The following KCNH3 variants were observed in gnomAD, a reference collection of about 807,000 sequenced individuals.
The protein encoded by KCNH3 is voltage-gated inwardly rectifying potassium channel KCNH3.
Under a neutral mutation model 95.6 loss-of-function variants are expected in KCNH3, and 36 were observed. That is an observed-to-expected ratio of 0.38 (90% confidence interval 0.29 to 0.50). KCNH3 has a LOEUF of 0.50. Ranked by LOEUF, KCNH3 falls within the 20% of genes least tolerant of loss-of-function variation. The probability of loss-of-function intolerance (pLI) is 0.95; values close to 1 mark genes in which losing one functional copy is unlikely to be tolerated. For synonymous variants in KCNH3, 620 were observed against 646.3 expected, an observed-to-expected ratio of 0.96 and a Z score of 0.62; for missense variants, 1,030 against 1,484.1, an observed-to-expected ratio of 0.69 and a Z score of 5.03.
At position 49,539,237 on chromosome 12, in the gene KCNH3, C is replaced by G. The variant is rs1565771855; in HGVS notation, c.-180C>G. On this transcript the variant is annotated 5_prime_UTR_variant, in exon 1 of 15. Coordinates refer to ENST00000257981, the MANE Select transcript of KCNH3 (RefSeq NM_012284.3). This position sits in a 1 kb window ranked among gnomAD's most constrained non-coding sequence, Gnocchi z 6.7. ...CGCCATGCTCCGGGCCCCGACGGCG[C>G]GGACGCCCCCTCGCGCGCCAGCGTC... The G allele has an allele frequency of 5.4e-6, 1 of 184,966 alleles. No homozygotes were observed. Among genetic ancestry groups the G allele is most frequent in the Non-Finnish European group, 1.1e-5 (1 of 91,740 alleles). 11.5% of individuals were successfully genotyped at this position (184,966 alleles called of 1,614,324 possible).
At chr12:49,542,354 G>A (rs1465810747) in intron 3 of KCNH3, among the ~76,000 whole-genome samples, 2 of 152,204 alleles carry the variant, frequency 1.3e-5, no homozygotes, top group Admixed American at 1.3e-4. Context: ...CCTGCTGTAA[G>A]TTCCCACACC....
In KCNH3 at chr12:49,548,961, G is replaced by A. The variant is rs1425623029; in HGVS notation, c.1256G>A (p.Gly419Glu). ...TACCTGGTGGGCCGGAGGCCAGCTG[G>A]AGGGAACAGCTCCGGCCAGAGTGAC... ...PYYLVGRRPA[G>E]GNSSGQSDNC... The change falls in exon 8 of 15, where the codon GGA (glycine) becomes GAA (glutamate). Residue 419 changes from glycine to glutamate, a missense_variant. Gly to Glu is a moderately conservative substitution (Grantham distance 98). This residue lies in a region of KCNH3 where 50 missense variants were observed against 41.0 expected (regional missense o/e 1.22). Transcript: ENST00000257981. 1.2e-6 allele frequency: 2 copies of A among 1,609,064 alleles called. No individual in the cohort carries two copies. The highest frequency in any genetic ancestry group is 1.7e-6 in the Non-Finnish European group (2 of 1,178,378).
At chr12:49,546,120 C>G (rs1938053477) in intron 7 of KCNH3, 1 of 152,182 alleles carries the variant, frequency 6.6e-6, no homozygotes, top group Non-Finnish European at 1.5e-5. Flanking sequence ...AGACTCCTCT[C>G]TTCCAACCAC....
At position 49,544,260 on chromosome 12, in the gene KCNH3, G is replaced by GCGC. The variant is rs752835616; in HGVS notation, c.1070_1072dup (p.Ala357dup). 5 of 1,606,638 alleles carry GCGC rather than the reference G, an allele frequency of 3.1e-6. No homozygotes were observed. The highest frequency in any genetic ancestry group is 4.2e-6 in the Non-Finnish European group (5 of 1,178,138). ...CGGCTGGACCGGTACTCGCAGTACAGCGCCGTGGTGCTGACACTGCTCATG... is the reference window on the plus strand; with the variant it reads ...CGGCTGGACCGGTACTCGCAGTACAGCGCCGCCGTGGTGCTGACACTGCTCATG... On this transcript the variant is annotated inframe_insertion, in exon 7 of 15. Transcript: ENST00000257981.
rs748979898 is a variant in KCNH3 at position 49,554,455 on chromosome 12, C to T, written c.2037C>T (p.His679=). Residue 679 remains histidine, a synonymous_variant, in exon 11 of 15, where the codon CAC becomes CAT. Coordinates refer to ENST00000257981, the MANE Select transcript of KCNH3 (RefSeq NM_012284.3). ...VLQCLQLAGL[H]DSLALYPEFA... is the part of the protein sequence containing the mutation. ...AGTGTCTGCAGCTGGCTGGCCTGCA[C>T]GACAGCCTTGCGCTGTACCCCGAGT... 90 of 1,613,314 alleles carry T rather than the reference C, an allele frequency of 5.6e-5. 1 individual carries two copies. Among genetic ancestry groups the T allele is most frequent in the Admixed American group, 2.5e-4 (15 of 60,012 alleles).
rs952825180 is a variant in KCNH3 at position 49,541,283 on chromosome 12, C to T, written c.310+151C>T. The T allele has an allele frequency of 7.3e-6, 5 of 688,086 alleles. No individual in the cohort carries two copies. In the Admixed American group the frequency reaches 9.8e-5, roughly 13 times the overall value. 42.6% of individuals were successfully genotyped at this position (688,086 alleles called of 1,614,324 possible). ...CCATCCCCCCATCCAACCCCTCTTG[C>T]TCCATCCCACCTCTTGCCCCGGCTC... On this transcript the variant is annotated intron_variant, in intron 2 of 14. Transcript: ENST00000257981.
intron 7 of KCNH3, among the ~76,000 whole-genome samples, chr12:49,548,095 CGTGTGTGTGTGTGTGT>C (rs369626063): frequency 1.2e-4 from 18 of 146,616 alleles, no homozygotes; most frequent in East Asian, 6.2e-4. Flanking sequence ...CCTGTGACTA[CGTGTGTGTGTGTGTGT>C]GTGTGTGTGT....
chr12:49,541,187 A>T, intron 2 of KCNH3, 55 bp downstream of exon 2: 1 of 1,328,144 alleles, frequency 7.5e-7, no homozygotes, highest in African/African-American at 1.4e-5. Flanking sequence ...CCAGCCTGGC[A>T]CCAGCCCCAT....
intron 1 of KCNH3, among the ~76,000 whole-genome samples, chr12:49,540,339 C>G (rs1164911544): frequency 1.3e-5 from 2 of 152,196 alleles, no homozygotes; most frequent in African/African-American, 2.4e-5. Context: ...GCTCCTGGCT[C>G]CCGTGCTCAG....
intron 10 of KCNH3, among the ~76,000 whole-genome samples, chr12:49,552,199 G>C (rs570342614): frequency 6.6e-6 from 1 of 152,222 alleles, no homozygotes; most frequent in Non-Finnish European, 1.5e-5. Context: ...CGAAACAGAT[G>C]GTTTCCAGCC....
rs1937778591 is a variant in KCNH3 at position 49,539,160 on chromosome 12, C to T, written c.-257C>T. ...CGGGAGGTGCTGAGAGCGCGGCGGC[C>T]GCGGGGCCTGGAGCCCGGGATTTGT... is the stretch of plus-strand genomic sequence containing the variant. On this transcript the variant is annotated 5_prime_UTR_variant, in exon 1 of 15. Transcript: ENST00000257981. The surrounding 1 kb of genome is among the most constrained non-coding windows in gnomAD (Gnocchi z 6.7). 1 of 154,540 alleles carries T rather than the reference C, an allele frequency of 6.5e-6. No individual in the cohort carries two copies. The highest frequency in any genetic ancestry group is 2.4e-5 in the African/African-American group (1 of 41,408). 9.6% of individuals were successfully genotyped at this position (154,540 alleles called of 1,614,324 possible).
At chr12:49,550,936 A>G (rs1769727031) in intron 10 of KCNH3, among the ~76,000 whole-genome samples, 1 of 152,236 alleles carries the variant, frequency 6.6e-6, no homozygotes, top group South Asian at 2.1e-4. Context: ...AATGGACACA[A>G]TAGTAGTGCT....
At position 49,543,424 on chromosome 12, in the gene KCNH3, C is replaced by T. The variant is rs1221223803; in HGVS notation, c.729C>T (p.Pro243=). 4.4e-6 allele frequency: 7 copies of T among 1,608,478 alleles called. No individual in the cohort carries two copies. Among genetic ancestry groups the T allele is most frequent in the Non-Finnish European group, 5.9e-6 (7 of 1,179,996 alleles). Residue 243 remains proline, a synonymous_variant, in exon 5 of 15, where the codon CCC becomes CCT. Coordinates refer to ENST00000257981, the MANE Select transcript of KCNH3 (RefSeq NM_012284.3). ...CACTCTATGTGGCTGTCACTGTGCC[C>T]TACAGCGTGTGTGTGAGCACAGCAC... The part of the protein sequence containing the change: ...LATLYVAVTV[P]YSVCVSTARE...
chr12:49,541,153 C>T (rs777196024), intron 2 of KCNH3, 21 bp downstream of exon 2: 3 of 1,573,212 alleles, frequency 1.9e-6, no homozygotes, highest in Non-Finnish European at 1.7e-6. Context: ...ACCTGGCCAG[C>T]CTGCCTCACC....
intron 8 of KCNH3, 103 bp downstream of exon 8, chr12:49,549,276 C>G: frequency 6.8e-7 from 1 of 1,473,466 alleles, no homozygotes; most frequent in Middle Eastern, 2.4e-4. Context: ...GGCTCTTCCG[C>G]TTTAGGTGGC....
chr12:49,550,414 T>G (rs1240295529), intron 10 of KCNH3, 85 bp downstream of exon 10: 2 of 1,477,452 alleles, frequency 1.4e-6, no homozygotes, highest in Non-Finnish European at 1.8e-6. Context: ...AGAGGGGACC[T>G]CCACAAGGCC....
rs199620847 is a variant in KCNH3 at position 49,550,050 on chromosome 12, C to T, written c.1669-30C>T. On this transcript the variant is annotated intron_variant, in intron 9 of 14. Coordinates refer to ENST00000257981, the MANE Select transcript of KCNH3 (RefSeq NM_012284.3). The stretch of plus-strand genomic sequence containing the variant: ...CACCTCCTCTTCTGCCACTCCCAAC[C>T]CCCCCACCCCCGCACCTGCTCACCT... The T allele has an allele frequency of 7.4e-6, 11 of 1,490,594 alleles. No homozygotes were observed. The East Asian group carries it at 9.2e-5, about 13-fold the overall frequency. The allele number at this position is 1,490,594 out of a possible 1,614,324, so 92.3% of individuals were successfully genotyped here. A position where few individuals can be genotyped will look rare whatever the true frequency, so the allele number is the denominator to read the frequency against.
chr12:49,544,116 G>T (rs1565775280), intron 6 of KCNH3, 44 bp downstream of exon 6: 2 of 1,605,728 alleles, frequency 1.2e-6, no homozygotes, highest in South Asian at 2.2e-5. Context: ...TTGGCCAGGG[G>T]ACAGGCAGGG....
chr12:49,554,240 C>A, intron 10 of KCNH3, 97 bp from the exon 11 acceptor site: 1 of 962,080 alleles, frequency 1.0e-6, no homozygotes, highest in Non-Finnish European at 1.6e-6. Context: ...AGAGGCCCAG[C>A]CCAGCTCTGA....
Sources: allele counts gnomAD v4.1 joint callset (sites outside exome capture counted in the v4.1 genomes callset), GRCh38; gene constraint gnomAD v4.1.1; regional missense constraint gnomAD v4.1.1; non-coding constraint Gnocchi (gnomAD v3.1); transcripts MANE v1.5; gene names NCBI Gene and HGNC (gene_info 2026-07-23, HGNC 2026-07-21).